The following ZNF585B variants were observed in gnomAD, a reference collection of about 807,000 sequenced individuals.
The protein encoded by ZNF585B is zinc finger protein 585B.
Under a neutral mutation model 14.0 loss-of-function variants are expected in ZNF585B, and 7 were observed. That is an observed-to-expected ratio of 0.50 (90% CI 0.28 to 0.94). The LOEUF is 0.94. ZNF585B is among the 40% of genes least tolerant of loss of function. The probability of loss-of-function intolerance (pLI) is 0.09; values close to 1 mark genes in which losing one functional copy is unlikely to be tolerated. For missense variants in ZNF585B, 750 were observed against 924.4 expected (o/e 0.81, Z 2.45); for synonymous variants, 290 against 317.3 (o/e 0.91, Z 0.91).
At chr19:37,194,386 C>T (rs1019049638) in intron 2 of ZNF585B, among the ~76,000 whole-genome samples, 2 of 152,024 alleles carry the variant, frequency 1.3e-5, no homozygotes, top group Non-Finnish European at 2.9e-5. Flanking sequence ...GGCCGAGGCA[C>T]ATGGACCACC....
In ZNF585B at chr19:37,202,863, G is replaced by A. The variant is rs575205609; in HGVS notation, c.72+4177C>T. ...TTACCACGTTGGTCAGGCTGGTCTC[G>A]AACTCCTGACTTCAGGTGATCCACT... On this transcript the variant is annotated intron_variant, in intron 2 of 4. Transcript: ENST00000532828. Among the ~76,000 whole-genome samples the A allele has an allele frequency of 7.8e-4, 119 of 152,116 alleles. 5 individuals are homozygous for A. The South Asian group carries it at 0.022, about 29-fold the overall frequency.
intron 1 of ZNF585B, among the ~76,000 whole-genome samples, chr19:37,209,156 G>A (rs1972618658): frequency 6.6e-6 from 1 of 152,130 alleles, no homozygotes; most frequent in Admixed American, 6.5e-5. Flanking sequence ...CCCGGCTGGA[G>A]TGCAATGGCA....
chr19:37,191,049 G>A (rs1179695777), intron 2 of ZNF585B, among the ~76,000 whole-genome samples: 1 of 151,762 alleles, frequency 6.6e-6, no homozygotes, highest in Admixed American at 6.6e-5. Flanking sequence ...TTTTTTTTAT[G>A]TATTTCAATG....
rs1236367051 is a variant in ZNF585B at position 37,186,834 on chromosome 19, T to A, written c.703A>T (p.Ile235Phe). ...YNSDLSIHEK[I>F]HTGERHHECT... ...TCATGGTGTCTCTCTCCAGTATGAA[T>A]TTTCTCATGTATACTGAGATCTGAG... The change falls in exon 5 of 5, where the codon ATT becomes TTT. Residue 235 changes from isoleucine (I) to phenylalanine (F), a missense_variant. By Grantham distance (21) the Ile-to-Phe change is conservative. Coordinates refer to ENST00000532828, the MANE Select transcript of ZNF585B (RefSeq NM_152279.4). 2 of 1,614,032 alleles carry A rather than the reference T, an allele frequency of 1.2e-6. No individual in the cohort carries two copies. Among genetic ancestry groups the A allele is most frequent in the Non-Finnish European group, 1.7e-6 (2 of 1,179,890 alleles).
At chr19:37,195,644 A>C (rs1433130350) in intron 2 of ZNF585B, among the ~76,000 whole-genome samples, 1 of 150,740 alleles carries the variant, frequency 6.6e-6, no homozygotes, top group African/African-American at 2.5e-5. Context: ...TAATCTTATA[A>C]CTATTAAATT....
rs1216459802 is a variant in ZNF585B at position 37,186,921 on chromosome 19, T to C, written c.616A>G (p.Arg206Gly). ...TATAGTTTTTCTCCGGTATGAATTC[T>C]GTGATGCCTGAAAAGAGACGATACT... ...FQVSSLFRHH[R>G]IHTGEKLYEC... Residue 206 changes from arginine (R) to glycine (G), a missense_variant, in exon 5 of 5, where the codon AGA becomes GGA. Physicochemically the swap from Arg to Gly is moderately radical, Grantham distance 125 (BLOSUM62 -2). Transcript: ENST00000532828. 1 of 1,614,168 alleles carries C rather than the reference T, an allele frequency of 6.2e-7. No homozygotes were observed. The highest frequency in any genetic ancestry group is 1.6e-4 in the Middle Eastern group (1 of 6,062).
At chr19:37,205,576 G>T (rs889805483) in intron 2 of ZNF585B, among the ~76,000 whole-genome samples, 3 of 152,166 alleles carry the variant, frequency 2.0e-5, no homozygotes, top group African/African-American at 7.2e-5. Flanking sequence ...CAAAGAAAAT[G>T]AATAAAGCAG....
chr19:37,188,060 A>G (rs1972358649), intron 4 of ZNF585B, among the ~76,000 whole-genome samples: 1 of 152,172 alleles, frequency 6.6e-6, no homozygotes, highest in African/African-American at 2.4e-5. Flanking sequence ...GGGGAAAGAG[A>G]GAAAAGGGGA....
rs779153159 is a variant in ZNF585B at position 37,186,911 on chromosome 19, G to A, written c.626C>T (p.Thr209Ile). Residue 209 changes from threonine to isoleucine, a missense_variant, in exon 5 of 5, where the codon ACC (threonine) becomes ATC (isoleucine). Coordinates refer to ENST00000532828, the MANE Select transcript of ZNF585B (RefSeq NM_152279.4). ...ACTACATTCATATAGTTTTTCTCCGGTATGAATTCTGTGATGCCTGAAAAG... is the reference window on the plus strand; with the variant it reads ...ACTACATTCATATAGTTTTTCTCCGATATGAATTCTGTGATGCCTGAAAAG... ...SSLFRHHRIH[T>I]GEKLYECSEC... The A allele has an allele frequency of 7.4e-6, 12 of 1,614,020 alleles. No individual in the cohort carries two copies. The South Asian group carries it at 1.3e-4, about 18-fold the overall frequency.
At position 37,185,494 on chromosome 19, in the gene ZNF585B, G is replaced by C. The variant is rs143076401; in HGVS notation, c.2043C>G (p.His681Gln). The C allele has an allele frequency of 6.2e-7, 1 of 1,609,508 alleles. No homozygotes were observed. The highest frequency in any genetic ancestry group is 8.5e-7 in the Non-Finnish European group (1 of 1,178,368). Residue 681 changes from histidine to glutamine, a missense_variant, in exon 5 of 5, where the codon CAC becomes CAG. Physicochemically the swap from His to Gln is conservative, Grantham distance 24 (BLOSUM62 0). Transcript: ENST00000532828. ...AAGGTTTCTCTCCAGTATGAATTCT[G>C]TGATGTGTAATCAACTCTGACTTCT... ...FRQKSELITHHRIHTGEKPYE... is the reference protein window; with the variant it reads ...FRQKSELITHQRIHTGEKPYE...
At chr19:37,199,556 A>C (rs1281864307) in intron 2 of ZNF585B, 1 of 431,214 alleles carries the variant, frequency 2.3e-6, no homozygotes, top group African/African-American at 2.0e-5. Flanking sequence ...TTGTCCAGGA[A>C]GAAACCTCCT....
At position 37,186,775 on chromosome 19, in the gene ZNF585B, CT is replaced by C. The variant is rs1972339559; in HGVS notation, c.761del (p.Lys254SerfsTer32). 1 of 1,614,108 alleles carries C rather than the reference CT, an allele frequency of 6.2e-7. No individual in the cohort carries two copies. Among genetic ancestry groups the C allele is most frequent in the Non-Finnish European group, 8.5e-7 (1 of 1,180,012 alleles). The part of the protein sequence containing the change: ...CTDCGKAFTQ[K>X]STLKIHQKIH... ...TTTTCTGATGAATCTTGAGTGTGGA[CT>C]TTTGTGTGAACGCTTTGCCACAGTC... On this transcript the variant is annotated frameshift_variant, in exon 5 of 5. Coordinates refer to ENST00000532828, the MANE Select transcript of ZNF585B (RefSeq NM_152279.4). LOFTEE classifies it low-confidence loss of function (END_TRUNC).
intron 2 of ZNF585B, among the ~76,000 whole-genome samples, chr19:37,193,858 A>G (rs940087683): frequency 6.6e-6 from 1 of 152,194 alleles, no homozygotes. Context: ...TTTGGCCCCT[A>G]ATTAAAATGA....
At chr19:37,195,904 T>G (rs962650939) in intron 2 of ZNF585B, 1 of 152,332 alleles carries the variant, frequency 6.6e-6, no homozygotes, top group Non-Finnish European at 1.5e-5. Flanking sequence ...TGCATGCCTG[T>G]AATCTCAGCT....
chr19:37,192,880 TATCTC>T (rs1568508746), intron 2 of ZNF585B, among the ~76,000 whole-genome samples: 1 of 151,422 alleles, frequency 6.6e-6, no homozygotes, highest in Non-Finnish European at 1.5e-5. Context: ...TCACGCCTAT[TATCTC>T]AACAACTGGG....
intron 2 of ZNF585B, among the ~76,000 whole-genome samples, chr19:37,193,286 A>G (rs1972424087): frequency 6.6e-6 from 1 of 152,160 alleles, no homozygotes; most frequent in Admixed American, 6.6e-5. Context: ...CCTGGCTAAC[A>G]TGGTGAAACA....
chr19:37,202,968 T>C (rs1047147375), intron 2 of ZNF585B, among the ~76,000 whole-genome samples: 5 of 152,154 alleles, frequency 3.3e-5, no homozygotes, highest in Admixed American at 2.6e-4. Flanking sequence ...TACATAATAC[T>C]CACTCGTGAT....
intron 2 of ZNF585B, among the ~76,000 whole-genome samples, chr19:37,194,632 A>G (rs1972439823): frequency 6.6e-6 from 1 of 152,170 alleles, no homozygotes. Context: ...ACAAACAAAC[A>G]AAGTATACTA....
At chr19:37,195,102 T>TG (rs1452122449) in intron 2 of ZNF585B, among the ~76,000 whole-genome samples, 2 of 151,870 alleles carry the variant, frequency 1.3e-5, no homozygotes, top group African/African-American at 4.8e-5. Flanking sequence ...CCCAGCACTT[T>TG]GGGGGGCCGA....
Sources: gnomAD v4.1 joint callset for allele counts (sites outside exome capture counted in the v4.1 genomes callset) on GRCh38, gnomAD v4.1.1 for gene constraint, MANE v1.5 for transcripts, NCBI Gene and HGNC (gene_info 2026-07-23, HGNC 2026-07-21) for gene names.